MYO5B: variants seen among roughly 807,000 people sequenced by gnomAD.
The protein encoded by MYO5B is unconventional myosin-Vb.
MYO5B carries 143 observed loss-of-function variants against 229.3 expected under a neutral mutation model. That is an observed-to-expected ratio of 0.62 (90% CI 0.54 to 0.72). MYO5B has a LOEUF of 0.72. Among genes scored for constraint, MYO5B ranks in the 30% least tolerant of loss-of-function variants. The pLI is 0.00. For synonymous variants in MYO5B, 918 were observed against 885.2 expected, an observed-to-expected ratio of 1.04 and a Z score of -0.66; for missense variants, 2,321 against 2,331.0, an observed-to-expected ratio of 1.00 and a Z score of 0.09.
chr18:50,068,887 A>G (rs987828798), intron 1 of MYO5B, among the ~76,000 whole-genome samples: 3 of 152,190 alleles, frequency 2.0e-5, no homozygotes, highest in African/African-American at 7.2e-5. Context: ...TCCCAGTAAG[A>G]CGGTTGCCCA....
At position 49,963,472 on chromosome 18, in the gene MYO5B, G is replaced by C. The variant is rs368543807; in HGVS notation, c.1323-442C>G. Among the ~76,000 whole-genome samples, 5 of 151,692 alleles carry C rather than the reference G, an allele frequency of 3.3e-5. 1 individual carries two copies. The highest frequency in any genetic ancestry group is 1.9e-4 in the East Asian group (1 of 5,176). On this transcript the variant is annotated intron_variant, in intron 10 of 39. Coordinates refer to ENST00000285039, the MANE Select transcript of MYO5B (RefSeq NM_001080467.3). ...TGGTCTGACTCTGTCACCCAGGCTGGAGTGCAGAGGCGCAATCTTGGCTCA... is the reference window on the plus strand; with the variant it reads ...TGGTCTGACTCTGTCACCCAGGCTGCAGTGCAGAGGCGCAATCTTGGCTCA...
At chr18:49,928,628 T>C (rs996279533) in intron 17 of MYO5B, among the ~76,000 whole-genome samples, 2 of 152,162 alleles carry the variant, frequency 1.3e-5, no homozygotes, top group Non-Finnish European at 2.9e-5. Flanking sequence ...ATTGGGTATC[T>C]ACCCAGAGGA....
intron 1 of MYO5B, among the ~76,000 whole-genome samples, chr18:50,129,656 T>C (rs142853976): frequency 5.5e-4 from 84 of 152,222 alleles, no homozygotes; most frequent in South Asian, 2.1e-3. Context: ...AAACTAAATG[T>C]GAAGAAGTGG....
Position 50,036,838 on chromosome 18 carries a change from G to A in MYO5B, c.455+12C>T. 6.2e-7 allele frequency: 1 copy of A among 1,613,972 alleles called. No individual in the cohort carries two copies. The highest frequency in any genetic ancestry group is 8.5e-7 in the Non-Finnish European group (1 of 1,179,998). ...CTACTCAGGAGGACTTCTGGGCTGA[G>A]GACATTCTCACCTGGCCATCTGCTT... On this transcript the variant is annotated intron_variant, in intron 4 of 39. Coordinates refer to ENST00000285039, the MANE Select transcript of MYO5B (RefSeq NM_001080467.3).
chr18:49,928,821 C>T (rs1377052684), intron 17 of MYO5B, among the ~76,000 whole-genome samples: 1 of 152,124 alleles, frequency 6.6e-6, no homozygotes, highest in Non-Finnish European at 1.5e-5. Context: ...TTCACAGCAA[C>T]CTGGATGGAG....
At chr18:50,089,878 C>A (rs1163642549) in intron 1 of MYO5B, among the ~76,000 whole-genome samples, 2 of 152,142 alleles carry the variant, frequency 1.3e-5, no homozygotes, top group African/African-American at 2.4e-5. Context: ...TGTAGAACAT[C>A]ATGGCACCCT....
intron 1 of MYO5B, among the ~76,000 whole-genome samples, chr18:50,082,177 T>C (rs1264004857): frequency 6.6e-6 from 1 of 152,040 alleles, no homozygotes; most frequent in Admixed American, 6.6e-5. Flanking sequence ...GGAGGAGAGT[T>C]GGAGAGAGGG....
chr18:49,864,192 G>C lies in MYO5B; in HGVS notation c.3792C>G (p.Leu1264=). ...LEVRKEEVLI[L]RTQIVSADQR... ...GGTCGGCGCTCACGATCTGGGTCCT[G>C]AGGATGAGCACCTCCTCCTTGCGCA... The change falls in exon 28 of 40, where the codon CTC becomes CTG. Residue 1264 remains leucine (L), a synonymous_variant. Transcript: ENST00000285039. 1 of 1,613,192 alleles carries C rather than the reference G, an allele frequency of 6.2e-7. No individual in the cohort carries two copies. The highest frequency in any genetic ancestry group is 8.5e-7 in the Non-Finnish European group (1 of 1,180,036).
chr18:49,852,922 A>G (rs910247771), intron 31 of MYO5B, among the ~76,000 whole-genome samples: 1 of 152,126 alleles, frequency 6.6e-6, no homozygotes, highest in Non-Finnish European at 1.5e-5. Flanking sequence ...CCTACTGACC[A>G]ATCTGCAAGC....
chr18:50,155,408 C>T (rs1257230899), intron 1 of MYO5B, among the ~76,000 whole-genome samples: 1 of 152,070 alleles, frequency 6.6e-6, no homozygotes, highest in African/African-American at 2.4e-5. Context: ...GGTATTTAAC[C>T]AGGTACTTAT....
chr18:50,097,192 T>C (rs551145761), intron 1 of MYO5B: 49 of 455,452 alleles, frequency 1.1e-4, no homozygotes, highest in African/African-American at 8.6e-4. Flanking sequence ...CCCATCCCCA[T>C]TCCCCACAGA....
At chr18:49,863,369 T>G in intron 28 of MYO5B, 42 bp from the exon 29 acceptor site, 1 of 1,543,762 alleles carries the variant, frequency 6.5e-7, no homozygotes, top group East Asian at 2.2e-5. Flanking sequence ...GTTAAACAAT[T>G]GCCACAAAAT....
chr18:50,140,073 C>T (rs1210747768), intron 1 of MYO5B, among the ~76,000 whole-genome samples: 1 of 152,122 alleles, frequency 6.6e-6, no homozygotes, highest in Non-Finnish European at 1.5e-5. Flanking sequence ...AAAGTGGCAG[C>T]CAATACAGAG....
intron 1 of MYO5B, among the ~76,000 whole-genome samples, chr18:50,100,542 T>C (rs1342596877): frequency 6.6e-6 from 1 of 152,102 alleles, no homozygotes; most frequent in African/African-American, 2.4e-5. Flanking sequence ...CCCCTCTGCC[T>C]ACCACCCTCC....
intron 1 of MYO5B, among the ~76,000 whole-genome samples, chr18:50,086,257 T>C (rs1013391437): frequency 6.6e-6 from 1 of 152,150 alleles, no homozygotes; most frequent in Non-Finnish European, 1.5e-5. Context: ...GCCTTTTCTC[T>C]TTCCCAAAAG....
chr18:49,957,932 C>G (rs542747192), intron 12 of MYO5B, among the ~76,000 whole-genome samples: 9 of 152,004 alleles, frequency 5.9e-5, no homozygotes, highest in East Asian at 1.9e-4. Flanking sequence ...CCCAGCTGGC[C>G]CCCCCCAGGA....
At chr18:49,913,280 A>C in intron 17 of MYO5B, among the ~76,000 whole-genome samples, 1 of 152,188 alleles carries the variant, frequency 6.6e-6, no homozygotes, top group Non-Finnish European at 1.5e-5. Flanking sequence ...CAAATCTGCT[A>C]TTTCCAGGTA....
intron 1 of MYO5B, among the ~76,000 whole-genome samples, chr18:50,081,113 G>A (rs112232541): frequency 1.3e-5 from 2 of 152,252 alleles, no homozygotes; most frequent in African/African-American, 4.8e-5. Flanking sequence ...TGTTTTCTCA[G>A]GTGACTTCAC....
chr18:49,930,288 C>A (rs901865144), intron 16 of MYO5B, among the ~76,000 whole-genome samples: 2 of 152,178 alleles, frequency 1.3e-5, no homozygotes, highest in Non-Finnish European at 2.9e-5. Flanking sequence ...AACAGCTGTT[C>A]AGTTAAGAAT....
Sources: gnomAD v4.1 joint callset for allele counts (sites outside exome capture counted in the v4.1 genomes callset) on GRCh38, gnomAD v4.1.1 for gene constraint, MANE v1.5 for transcripts, NCBI Gene and HGNC (gene_info 2026-07-23, HGNC 2026-07-21) for gene names.